The following TIAM2 variants were observed in gnomAD, a reference collection of about 807,000 sequenced individuals.
TIAM2 encodes the protein rho guanine nucleotide exchange factor TIAM2.
A neutral mutation model predicts 152.9 loss-of-function variants in TIAM2; 80 were observed. The ratio of observed to expected loss-of-function variants is 0.52; its 90% confidence interval spans 0.44 to 0.63. The LOEUF (loss-of-function observed/expected upper bound fraction) is 0.63. TIAM2 is among the 30% of genes least tolerant of loss of function. TIAM2 has a pLI of 0.00. For missense variants in TIAM2, 1,965 were observed against 2,120.1 expected (o/e 0.93, Z 1.44); for synonymous variants, 804 against 838.0 (o/e 0.96, Z 0.70).
chr6:155,106,091 G>A (rs955059019), intron 2 of TIAM2, among the ~76,000 whole-genome samples: 1 of 151,254 alleles, frequency 6.6e-6, no homozygotes, highest in Non-Finnish European at 1.5e-5. Context: ...TGCAACCTCT[G>A]CCCCCTGGGT....
chr6:155,247,765 G>A (rs1447273670), intron 19 of TIAM2, among the ~76,000 whole-genome samples: 4 of 152,170 alleles, frequency 2.6e-5, no homozygotes, highest in Admixed American at 1.3e-4. Flanking sequence ...TCTTTGGGGC[G>A]CAGCCTGCAT....
At chr6:155,065,160 G>C (rs560260301) in intron 1 of TIAM2, among the ~76,000 whole-genome samples, 2 of 152,016 alleles carry the variant, frequency 1.3e-5, no homozygotes, top group Non-Finnish European at 2.9e-5. Flanking sequence ...CACCGTGTTG[G>C]CCAGGCTGGT....
chr6:155,250,814 T>C, intron 21 of TIAM2, 99 bp from the exon 22 acceptor site: 1 of 1,319,172 alleles, frequency 7.6e-7, no homozygotes. Flanking sequence ...CCAGCTGTGC[T>C]TGCATTTTAG....
chr6:155,147,807 G>A (rs768306489), intron 6 of TIAM2, among the ~76,000 whole-genome samples: 1 of 152,088 alleles, frequency 6.6e-6, no homozygotes, highest in Non-Finnish European at 1.5e-5. Context: ...AGAGAGTGGC[G>A]TAATGTATCA....
chr6:155,183,247 G>A lies in TIAM2; in HGVS notation c.2811G>A (p.Lys937=). 4 of 1,613,426 alleles carry A rather than the reference G, an allele frequency of 2.5e-6. No homozygotes were observed. The highest frequency in any genetic ancestry group is 3.4e-6 in the Non-Finnish European group (4 of 1,179,594). Residue 937 remains lysine (K), a synonymous_variant, in exon 14 of 27, where the codon AAG becomes AAA. Transcript: ENST00000682666. The stretch of plus-strand genomic sequence containing the variant: ...CTTCCTTTTTCTCAGGGCTGAGAAA[G>A]GGCAATGAGATCATGACCTTAAATG... The part of the protein sequence containing the change: ...DGLAYGEGLR[K]GNEIMTLNGE...
rs1201583733 is a variant in TIAM2 at position 155,174,272 on chromosome 6, A to G, written c.2362-2544A>G. ...GAGCCATATTTTTCTTGCCTTTTCC[A>G]TAGGAAGTGATGATGGTGCCTTCCT... On this transcript the variant is annotated intron_variant, in intron 9 of 26. Transcript: ENST00000682666. The surrounding 1 kb of genome is among the most constrained non-coding windows in gnomAD (Gnocchi z 4.2). Among the ~76,000 whole-genome samples the G allele has an allele frequency of 6.6e-6, 1 of 152,168 alleles. No individual in the cohort carries two copies. The highest frequency in any genetic ancestry group is 1.5e-5 in the Non-Finnish European group (1 of 68,034).
chr6:155,251,064 GGATTACGGAAGAA>G (rs1783626438), intron 22 of TIAM2, 43 bp downstream of exon 22: 1 of 1,569,528 alleles, frequency 6.4e-7, no homozygotes. Context: ...ACAGAGGCTG[GGATTACGGAAGAA>G]CTTCACTAGC....
At position 155,251,070 on chromosome 6, in the gene TIAM2, C is replaced by G. The variant is rs368176093; in HGVS notation, c.4060+49C>G. The G allele has an allele frequency of 2.0e-6, 3 of 1,534,522 alleles. No homozygotes were observed. In the Admixed American group the frequency reaches 5.0e-5, roughly 26 times the overall value. On this transcript the variant is annotated intron_variant, in intron 22 of 26. Coordinates refer to ENST00000682666, the MANE Select transcript of TIAM2 (RefSeq NM_012454.4). ...GCAGACTGAACAGAGGCTGGGATTA[C>G]GGAAGAACTTCACTAGCCGCACCAG...
intron 15 of TIAM2, among the ~76,000 whole-genome samples, chr6:155,215,632 CTG>C (rs1309476252): frequency 2.0e-5 from 3 of 151,610 alleles, no homozygotes; most frequent in South Asian, 4.1e-4. Context: ...AAAGTAAAAA[CTG>C]TGGTGGACAT....
At position 155,129,547 on chromosome 6, in the gene TIAM2, T is replaced by C. The variant is rs754978887; in HGVS notation, c.324T>C (p.Ala108=). 1 of 1,614,144 alleles carries C rather than the reference T, an allele frequency of 6.2e-7. No individual in the cohort carries two copies. The highest frequency in any genetic ancestry group is 8.5e-7 in the Non-Finnish European group (1 of 1,180,034). The change falls in exon 4 of 27, where the codon GCT becomes GCC. Residue 108 remains alanine, a synonymous_variant. Transcript: ENST00000682666. This position sits in a 1 kb window ranked among gnomAD's most constrained non-coding sequence, Gnocchi z 4.8. The part of the protein sequence containing the change: ...APGKDFQGIS[A]AFSTENGFHS... Reference sequence around the variant, plus strand: ...GGAAGGATTTCCAGGGCATCAGTGCTGCTTTCTCAACTGAGAATGGCTTCC... The same window carrying C: ...GGAAGGATTTCCAGGGCATCAGTGCCGCTTTCTCAACTGAGAATGGCTTCC...
chr6:155,026,081 G>A (rs2114873436), intron 1 of TIAM2, among the ~76,000 whole-genome samples: 1 of 152,148 alleles, frequency 6.6e-6, no homozygotes, highest in Non-Finnish European at 1.5e-5. Context: ...GATAATGATA[G>A]GCTGGATTTC....
chr6:155,041,304 G>A (rs1274832153), intron 1 of TIAM2, among the ~76,000 whole-genome samples: 5 of 152,140 alleles, frequency 3.3e-5, no homozygotes, highest in Non-Finnish European at 7.4e-5. Context: ...CATAAAACTT[G>A]TTCATGTCTG....
At chr6:155,043,829 C>T (rs1031701448) in intron 1 of TIAM2, among the ~76,000 whole-genome samples, 2 of 151,892 alleles carry the variant, frequency 1.3e-5, no homozygotes, top group Admixed American at 6.6e-5. Flanking sequence ...TAGTTACAAG[C>T]GGGGACTTGA....
At chr6:155,244,627 C>T (rs1783217779) in intron 17 of TIAM2, 31 bp from the exon 18 acceptor site, 2 of 1,608,780 alleles carry the variant, frequency 1.2e-6, no homozygotes, top group South Asian at 1.1e-5. Flanking sequence ...CATGGCTAAT[C>T]CCCTCATTTC....
In TIAM2 at chr6:155,033,868, C is replaced by T. The variant is rs184296113; in HGVS notation, c.-209+38376C>T. ...AGTAGCCAGGCTTACAGGTGCGTGC[C>T]ACCACACCCGGCTAATTTTTGCATT... is the stretch of plus-strand genomic sequence containing the variant. On this transcript the variant is annotated intron_variant, in intron 1 of 26. Coordinates refer to ENST00000682666, the MANE Select transcript of TIAM2 (RefSeq NM_012454.4). Among the ~76,000 whole-genome samples, 125 of 152,020 alleles carry T rather than the reference C, an allele frequency of 8.2e-4. 2 individuals are homozygous for T. Among genetic ancestry groups the T allele is most frequent in the African/African-American group, 2.8e-3 (117 of 41,476 alleles).
At chr6:155,240,738 C>T (rs777180608) in intron 16 of TIAM2, 29 bp downstream of exon 16, 12 of 1,589,450 alleles carry the variant, frequency 7.5e-6, no homozygotes, top group Admixed American at 1.7e-5. Context: ...TTTATGCATT[C>T]GTGCCTCTTT....
intron 14 of TIAM2, among the ~76,000 whole-genome samples, chr6:155,196,527 T>G (rs1357743168): frequency 6.6e-6 from 1 of 152,194 alleles, no homozygotes; most frequent in East Asian, 1.9e-4. Flanking sequence ...TTGGGAATCT[T>G]AATAATCTTA....
chr6:155,009,091 CTTTTTTTTTTTTTTTTTT>C (rs61651734), intron 1 of TIAM2, among the ~76,000 whole-genome samples: 9 of 61,472 alleles, frequency 1.5e-4, no homozygotes, highest in African/African-American at 6.2e-4. Flanking sequence ...CTCAGAAGAT[CTTTTTTTTTTTTTTTTTT>C]TTTTTTTTTT....
At chr6:155,056,620 ACTTATT>A (rs1190214868) in intron 1 of TIAM2, among the ~76,000 whole-genome samples, 1 of 108,180 alleles carries the variant, frequency 9.2e-6, no homozygotes, top group African/African-American at 3.5e-5. Flanking sequence ...CTCTTGACTA[ACTTATT>A]CTTTTAATAA....
Sources: gnomAD v4.1 joint callset for allele counts (sites outside exome capture counted in the v4.1 genomes callset) on GRCh38, gnomAD v4.1.1 for gene constraint, Gnocchi (gnomAD v3.1) non-coding constraint, MANE v1.5 for transcripts, NCBI Gene and HGNC (gene_info 2026-07-23, HGNC 2026-07-21) for gene names.